GTF3C5: variants seen among roughly 807,000 people sequenced by gnomAD.
GTF3C5 encodes the protein general transcription factor 3C polypeptide 5.
In GTF3C5, 47 loss-of-function variants were observed where a neutral mutation model predicts 61.0. The observed-to-expected ratio is 0.77, with a 90% CI of 0.61 to 0.98. The LOEUF is 0.98. Among genes scored for constraint, GTF3C5 ranks in the 50% least tolerant of loss-of-function variants. The probability of loss-of-function intolerance (pLI) is 0.00; values close to 1 mark genes in which losing one functional copy is unlikely to be tolerated. For missense variants in GTF3C5, 659 were observed against 703.3 expected (o/e 0.94, Z 0.71); for synonymous variants, 295 against 275.4 (o/e 1.07, Z -0.71).
intron 1 of GTF3C5, among the ~76,000 whole-genome samples, chr9:133,036,746 G>A (rs1027976471): frequency 3.8e-4 from 58 of 152,214 alleles, no homozygotes; most frequent in African/African-American, 1.3e-3. Context: ...GAGTCAATCC[G>A]TAAGCGGCAA....
At chr9:133,049,476 G>T (rs745377637) in intron 3 of GTF3C5, among the ~76,000 whole-genome samples, 1 of 152,216 alleles carries the variant, frequency 6.6e-6, no homozygotes, top group Non-Finnish European at 1.5e-5. Flanking sequence ...GAAAACTAAG[G>T]TAAAATGGAA....
intron 3 of GTF3C5, among the ~76,000 whole-genome samples, chr9:133,046,029 A>C (rs192631224): frequency 1.8e-4 from 27 of 152,230 alleles, no homozygotes; most frequent in African/African-American, 6.5e-4. Flanking sequence ...TGCAGCCCTC[A>C]AGAGAATGGG....
In GTF3C5 at chr9:133,049,407, T is replaced by A. The variant is rs185749167; in HGVS notation, c.573-1376T>A. Among the ~76,000 whole-genome samples, 3 of 152,386 alleles carry A rather than the reference T, an allele frequency of 2.0e-5. No individual in the cohort carries two copies. The East Asian group carries it at 5.8e-4, about 29-fold the overall frequency. On this transcript the variant is annotated intron_variant, in intron 3 of 10. Transcript: ENST00000372097. Reference sequence around the variant, plus strand: ...TCGATCCCGTCTTTCTAGTTTTGTTTCACAATGTGAAAATTACTGCTATTC... The same window carrying A: ...TCGATCCCGTCTTTCTAGTTTTGTTACACAATGTGAAAATTACTGCTATTC...
chr9:133,051,563 C>G (rs77483863), intron 4 of GTF3C5, among the ~76,000 whole-genome samples: 2,988 of 152,344 alleles, frequency 0.02, 102 homozygotes, highest in African/African-American at 0.066. Context: ...CCAGGCACAG[C>G]CCACATTCCT....
intron 5 of GTF3C5, among the ~76,000 whole-genome samples, chr9:133,052,535 C>T (rs1176780785): frequency 2.6e-5 from 4 of 152,122 alleles, no homozygotes; most frequent in Admixed American, 6.5e-5. Context: ...CTGACCACAG[C>T]GGCCCCATGT....
chr9:133,041,660 C>T (rs190104407), intron 1 of GTF3C5, among the ~76,000 whole-genome samples: 9 of 152,244 alleles, frequency 5.9e-5, no homozygotes, highest in African/African-American at 2.2e-4. Context: ...TGGTAGTGGT[C>T]CCCCGGGCCC....
intron 3 of GTF3C5, among the ~76,000 whole-genome samples, chr9:133,047,954 G>A (rs1188479641): frequency 2.0e-5 from 3 of 152,176 alleles, no homozygotes; most frequent in African/African-American, 7.2e-5. Flanking sequence ...GTGAGACCCT[G>A]TGTCTACAAA....
Position 133,056,909 on chromosome 9 carries a change from G to C in GTF3C5, c.1393+1G>C. 6.3e-7 allele frequency: 1 copy of C among 1,595,784 alleles called. No homozygotes were observed. The highest frequency in any genetic ancestry group is 8.5e-7 in the Non-Finnish European group (1 of 1,170,886). ...CAGACCATCCGCTCCAAGAGGCCTG[G>C]TAAGAGCCGCTTGGGGTAAAGGGGG... On this transcript the variant is annotated splice_donor_variant, in intron 10 of 10. Transcript: ENST00000372097. LOFTEE classifies it high-confidence loss of function.
chr9:133,049,541 A>G (rs575231314), intron 3 of GTF3C5, among the ~76,000 whole-genome samples: 11 of 152,336 alleles, frequency 7.2e-5, no homozygotes, highest in South Asian at 2.1e-4. Flanking sequence ...TCCGAGACCT[A>G]CTTTAAGATG....
chr9:133,055,749 G>A, intron 8 of GTF3C5: 1 of 1,318,864 alleles, frequency 7.6e-7, no homozygotes, highest in Non-Finnish European at 9.7e-7. Flanking sequence ...GGGCGCCATG[G>A]CCTGCTGCAC....
chr9:133,037,035 G>A (rs1031375740), intron 1 of GTF3C5, among the ~76,000 whole-genome samples: 11 of 152,098 alleles, frequency 7.2e-5, no homozygotes, highest in Non-Finnish European at 1.6e-4. Context: ...GTGTTTTGGG[G>A]TAGAAATTTG....
chr9:133,043,893 T>C lies in GTF3C5; in HGVS notation c.539T>C (p.Val180Ala). Residue 180 changes from valine to alanine, a missense_variant, in exon 3 of 11, where the codon GTG becomes GCG. Val to Ala is a moderately conservative substitution (Grantham distance 64). Coordinates refer to ENST00000372097, the MANE Select transcript of GTF3C5 (RefSeq NM_012087.4). Reference sequence around the variant, plus strand: ...ATCTTCTCCCGGCTGGACGCCCCGGTGGACTACTTCTACCGACCAGAGACC... The same window carrying C: ...ATCTTCTCCCGGCTGGACGCCCCGGCGGACTACTTCTACCGACCAGAGACC... Reference protein sequence around the residue: ...PPIFSRLDAPVDYFYRPETQH... With the variant: ...PPIFSRLDAPADYFYRPETQH... 1.2e-6 allele frequency: 2 copies of C among 1,613,978 alleles called. No individual in the cohort carries two copies. Among genetic ancestry groups the C allele is most frequent in the Non-Finnish European group, 1.7e-6 (2 of 1,179,954 alleles).
Position 133,056,007 on chromosome 9 carries a change from A to T in GTF3C5, c.1168-5A>T. ...TTCCCTGTCTCTCTCCCCCTTTGTC[A>T]CCAGGACTCTGTCTACATCTTCCGG... On this transcript the variant is annotated splice_polypyrimidine_tract_variant and splice_region_variant and intron_variant, in intron 8 of 10. Coordinates refer to ENST00000372097, the MANE Select transcript of GTF3C5 (RefSeq NM_012087.4). The T allele has an allele frequency of 6.2e-7, 1 of 1,613,790 alleles. No individual in the cohort carries two copies.
In GTF3C5 at chr9:133,042,284, C is replaced by G. The variant is rs752777323; in HGVS notation, c.351C>G (p.Ile117Met). 3.7e-6 allele frequency: 6 copies of G among 1,607,540 alleles called. No homozygotes were observed. In the South Asian group the frequency reaches 6.6e-5, roughly 18 times the overall value. The change falls in exon 2 of 11, where the codon ATC becomes ATG. Residue 117 changes from isoleucine (I) to methionine (M), a missense_variant. Transcript: ENST00000372097. ...TTGACATGGAGATCCTTGGCATCAT[C>G]TCCACCATTTACAAATTTCAGGGTA... ...VTFDMEILGI[I>M]STIYKFQGMS...
At chr9:133,056,693 A>G (rs1829948609) in intron 9 of GTF3C5, 73 bp from the exon 10 acceptor site, 1 of 1,445,112 alleles carries the variant, frequency 6.9e-7, no homozygotes, top group Non-Finnish European at 9.3e-7. Context: ...GCCTCTGGCA[A>G]AAACCAACAC....
intron 5 of GTF3C5, among the ~76,000 whole-genome samples, chr9:133,053,320 C>T (rs78114377): frequency 1.8e-3 from 272 of 152,308 alleles, no homozygotes; most frequent in African/African-American, 6.4e-3. Context: ...CATGATGGCT[C>T]ACTCCTAGAA....
At position 133,031,494 on chromosome 9, in the gene GTF3C5, G is replaced by T. The variant is rs192231480; in HGVS notation, c.153+330G>T. On this transcript the variant is annotated intron_variant, in intron 1 of 10. Transcript: ENST00000372097. ...AGCCTCCAGAGTAGCTGGGATTACA[G>T]GCGCATGCCACCACGCCCGGCTAAA... Among the ~76,000 whole-genome samples, 3 of 152,242 alleles carry T rather than the reference G, an allele frequency of 2.0e-5. No homozygotes were observed. The East Asian group carries it at 5.8e-4, about 29-fold the overall frequency.
At position 133,042,215 on chromosome 9, in the gene GTF3C5, G is replaced by T; in HGVS notation, c.282G>T (p.Arg94=). The T allele has an allele frequency of 6.2e-7, 1 of 1,613,958 alleles. No individual in the cohort carries two copies. ...LLLRIRKRTR[R]QKGVLGTEAH... is the part of the protein sequence containing the mutation. ...TCCGCATCAGGAAGAGAACGAGGCGGCAGAAAGGGGTGCTGGGCACTGAGG... is the reference window on the plus strand; with the variant it reads ...TCCGCATCAGGAAGAGAACGAGGCGTCAGAAAGGGGTGCTGGGCACTGAGG... The change falls in exon 2 of 11, where the codon CGG becomes CGT. Residue 94 remains arginine, a synonymous_variant. Coordinates refer to ENST00000372097, the MANE Select transcript of GTF3C5 (RefSeq NM_012087.4).
intron 2 of GTF3C5, 127 bp downstream of exon 2, chr9:133,042,433 A>G (rs1850066538): frequency 1.5e-6 from 1 of 668,264 alleles, no homozygotes; most frequent in Non-Finnish European, 2.6e-6. Flanking sequence ...CTGTGGGGAC[A>G]CAGCAGGGCA....
Sources: allele counts gnomAD v4.1 joint callset (sites outside exome capture counted in the v4.1 genomes callset), GRCh38; gene constraint gnomAD v4.1.1; transcripts MANE v1.5; gene names NCBI Gene and HGNC (gene_info 2026-07-23, HGNC 2026-07-21).